Variants in PDE7B observed in about 807,000 individuals in gnomAD.
PDE7B encodes the protein phosphodiesterase 7B.
A neutral mutation model predicts 56.2 loss-of-function variants in PDE7B; 29 were observed. That is an observed-to-expected ratio of 0.52 (90% confidence interval 0.38 to 0.70). The LOEUF (loss-of-function observed/expected upper bound fraction) is 0.70, where lower values mean the gene tolerates loss of function less well. Ranked by LOEUF, PDE7B falls within the 30% of genes least tolerant of loss-of-function variation. The pLI, the probability that PDE7B is intolerant of heterozygous loss-of-function variation, is 0.00. For missense variants in PDE7B, 490 were observed against 565.0 expected (o/e 0.87, Z 1.35); for synonymous variants, 197 against 196.9 (o/e 1.00, Z 0.00).
At chr6:135,943,630 T>C (rs1489858646) in intron 1 of PDE7B, among the ~76,000 whole-genome samples, 3 of 152,180 alleles carry the variant, frequency 2.0e-5, no homozygotes, top group Non-Finnish European at 4.4e-5. Flanking sequence ...AAGAGTACAA[T>C]GCGAGTGTGA....
chr6:136,009,592 A>C (rs1775852101), intron 2 of PDE7B, among the ~76,000 whole-genome samples: 1 of 152,042 alleles, frequency 6.6e-6, no homozygotes, highest in Admixed American at 6.6e-5. Flanking sequence ...ATTCTCTTTG[A>C]AGCAATTGTG....
intron 1 of PDE7B, among the ~76,000 whole-genome samples, chr6:135,898,171 G>T (rs908232204): frequency 6.6e-6 from 1 of 152,106 alleles, no homozygotes; most frequent in Non-Finnish European, 1.5e-5. Flanking sequence ...CTGGCATTTT[G>T]TTCGCAAGGA....
At chr6:135,983,123 A>G (rs1775322430) in intron 2 of PDE7B, among the ~76,000 whole-genome samples, 1 of 152,344 alleles carries the variant, frequency 6.6e-6, no homozygotes, top group African/African-American at 2.4e-5. Flanking sequence ...TGAATCTCTA[A>G]TGAGGGAATT....
chr6:136,195,122 G>A lies in PDE7B; in HGVS notation c.*3282G>A, dbSNP rs1779294377. On this transcript the variant is annotated 3_prime_UTR_variant, in exon 13 of 13. Transcript: ENST00000308191. ...CTGCCAGGCCTGATAGGAAAAATCT[G>A]CTCTTCCTTTTAATAACAGTGATGA... The A allele has an allele frequency of 6.6e-6, 1 of 152,138 alleles. No individual in the cohort carries two copies. The highest frequency in any genetic ancestry group is 1.5e-5 in the Non-Finnish European group (1 of 68,054). 9.4% of individuals were successfully genotyped at this position (152,138 alleles called of 1,614,324 possible).
At position 136,103,840 on chromosome 6, in the gene PDE7B, G is replaced by T. The variant is rs1777603225; in HGVS notation, c.83-4891G>T. 2.0e-5 allele frequency among the ~76,000 whole-genome samples: 3 copies of T among 152,270 alleles called. No individual in the cohort carries two copies. The South Asian group carries it at 6.2e-4, about 32-fold the overall frequency. On this transcript the variant is annotated intron_variant, in intron 2 of 12. Transcript: ENST00000308191. ...TGACACCTTTTCCTCACCCTGAAAT[G>T]ACCTTGACATACCACGACAGGGGCC... is the stretch of plus-strand genomic sequence containing the variant.
At chr6:135,906,282 T>TA (rs1776103418) in intron 1 of PDE7B, among the ~76,000 whole-genome samples, 1 of 152,220 alleles carries the variant, frequency 6.6e-6, no homozygotes, top group Non-Finnish European at 1.5e-5. Context: ...TGTGATATCT[T>TA]AAAGTTTATT....
At chr6:136,104,639 TTAC>T (rs1236245610) in intron 2 of PDE7B, among the ~76,000 whole-genome samples, 1 of 152,206 alleles carries the variant, frequency 6.6e-6, no homozygotes. Flanking sequence ...CACATAAATC[TTAC>T]TACATGAGCG....
intron 8 of PDE7B, among the ~76,000 whole-genome samples, chr6:136,165,122 G>A (rs1476725184): frequency 6.6e-6 from 1 of 152,188 alleles, no homozygotes; most frequent in African/African-American, 2.4e-5. Flanking sequence ...AGCAAGGCCA[G>A]TGAACAAAGT....
At chr6:136,149,888 G>C (rs936332752) in intron 5 of PDE7B, among the ~76,000 whole-genome samples, 1 of 152,096 alleles carries the variant, frequency 6.6e-6, no homozygotes, top group Non-Finnish European at 1.5e-5. Flanking sequence ...ATGCAGTTGA[G>C]AGAAATATAG....
intron 3 of PDE7B, among the ~76,000 whole-genome samples, 200 bp from the exon 4 acceptor site, chr6:136,147,151 A>G (rs887913493): frequency 2.4e-5 from 3 of 122,520 alleles, no homozygotes; most frequent in Non-Finnish European, 5.0e-5. Context: ...CAAAAAATAA[A>G]TAAGTAAAAA....
chr6:136,181,365 T>G (rs757966380), intron 11 of PDE7B, 42 bp downstream of exon 11: 33 of 1,181,870 alleles, frequency 2.8e-5, no homozygotes, highest in Non-Finnish European at 3.3e-5. Flanking sequence ...TGCCCTGTCT[T>G]CTTTTAGGCA....
chr6:136,037,891 T>G, intron 2 of PDE7B: 2 of 1,175,588 alleles, frequency 1.7e-6, no homozygotes, highest in South Asian at 1.7e-5. Flanking sequence ...GATGGCTTTT[T>G]TTTTTCTCCC....
intron 2 of PDE7B, among the ~76,000 whole-genome samples, chr6:136,011,084 CT>C (rs924336388): frequency 3.1e-4 from 47 of 152,260 alleles, no homozygotes; most frequent in African/African-American, 1.1e-3. Context: ...GTTTGTTTTA[CT>C]TTTTCAGATG....
At chr6:135,978,429 T>C (rs1479070623) in intron 2 of PDE7B, among the ~76,000 whole-genome samples, 1 of 152,130 alleles carries the variant, frequency 6.6e-6, no homozygotes, top group East Asian at 1.9e-4. Flanking sequence ...TACTGTACAC[T>C]TCTGTAGTCT....
At chr6:136,113,162 C>T (rs1481166022) in intron 3 of PDE7B, among the ~76,000 whole-genome samples, 1 of 152,122 alleles carries the variant, frequency 6.6e-6, no homozygotes, top group Non-Finnish European at 1.5e-5. Flanking sequence ...ATGATCTCAT[C>T]ACAAAAAATA....
rs1446870129 is a variant in PDE7B at position 136,191,959 on chromosome 6, T to C, written c.*119T>C. On this transcript the variant is annotated 3_prime_UTR_variant, in exon 13 of 13. Transcript: ENST00000308191. ...TTCTGAGTGTTGTCCTGGGGCTCTT[T>C]GGAACGCCATCTTCCTCCCACTTAC... is the stretch of plus-strand genomic sequence containing the variant. 2.7e-6 allele frequency: 2 copies of C among 732,186 alleles called. No individual in the cohort carries two copies. The highest frequency in any genetic ancestry group is 2.7e-5 in the Admixed American group (1 of 36,654). The allele number at this position is 732,186 out of a possible 1,614,324, so 45.4% of individuals were successfully genotyped here.
intron 2 of PDE7B, among the ~76,000 whole-genome samples, chr6:136,019,766 C>T (rs899181285): frequency 7.9e-5 from 12 of 152,094 alleles, no homozygotes; most frequent in Middle Eastern, 3.4e-3. Flanking sequence ...TGTATTCTTA[C>T]AATAAAGTAA....
At chr6:135,854,176 G>C (rs1774984600) in intron 1 of PDE7B, among the ~76,000 whole-genome samples, 2 of 152,186 alleles carry the variant, frequency 1.3e-5, no homozygotes, top group South Asian at 2.1e-4. Flanking sequence ...AGTCTAACTT[G>C]TTGTTAGCCA....
intron 1 of PDE7B, among the ~76,000 whole-genome samples, chr6:135,864,615 T>G (rs1020119964): frequency 4.6e-5 from 7 of 152,146 alleles, no homozygotes; most frequent in African/African-American, 1.7e-4. Context: ...CCTATTTTCA[T>G]GTTTGATTGC....
Sources: gnomAD v4.1 joint callset for allele counts (sites outside exome capture counted in the v4.1 genomes callset) on GRCh38, gnomAD v4.1.1 for gene constraint, MANE v1.5 for transcripts, NCBI Gene and HGNC (gene_info 2026-07-23, HGNC 2026-07-21) for gene names.